SKAP2: variants seen among roughly 807,000 people sequenced by gnomAD.
The protein encoded by SKAP2 is src kinase-associated phosphoprotein 2.
SKAP2 carries 28 observed loss-of-function variants against 54.9 expected under a neutral mutation model. The ratio of observed to expected loss-of-function variants is 0.51; its 90% confidence interval spans 0.38 to 0.70. The LOEUF (loss-of-function observed/expected upper bound fraction) is 0.70, where lower values mean the gene tolerates loss of function less well. Among genes scored for constraint, SKAP2 ranks in the 30% least tolerant of loss-of-function variants. The probability of loss-of-function intolerance (pLI) is 0.00; values close to 1 mark genes in which losing one functional copy is unlikely to be tolerated. For missense variants in SKAP2, 356 were observed against 424.1 expected, an observed-to-expected ratio of 0.84 and a Z score of 1.41; for synonymous variants, 137 against 134.3, an observed-to-expected ratio of 1.02 and a Z score of -0.14.
At chr7:26,709,034 TAGAA>T (rs1414026708) in intron 9 of SKAP2, among the ~76,000 whole-genome samples, 4 of 152,204 alleles carry the variant, frequency 2.6e-5, no homozygotes, top group African/African-American at 9.6e-5. Flanking sequence ...GCTGAGCTCT[TAGAA>T]AGTATAAAAT....
the SKAP2 span, among the ~76,000 whole-genome samples, chr7:26,655,983 A>G: frequency 6.6e-6 from 1 of 152,182 alleles, no homozygotes; most frequent in South Asian, 2.1e-4. Context: ...AAGATCTTTT[A>G]GTAGATGGCA....
chr7:26,843,569 A>AT (rs1229017161), intron 4 of SKAP2, among the ~76,000 whole-genome samples: 1 of 152,054 alleles, frequency 6.6e-6, no homozygotes, highest in Non-Finnish European at 1.5e-5. Context: ...GAAGCATTTG[A>AT]TAAAAACCTG....
chr7:26,739,236 C>A, intron 5 of SKAP2, among the ~76,000 whole-genome samples: 1 of 152,130 alleles, frequency 6.6e-6, no homozygotes, highest in East Asian at 1.9e-4. Context: ...TCTGTTATCT[C>A]TTTCAGTTTT....
intron 2 of SKAP2, 61 bp from the exon 3 acceptor site, chr7:26,854,223 TAAC>T (rs1279545442): frequency 1.9e-6 from 2 of 1,065,582 alleles, no homozygotes; most frequent in Non-Finnish European, 1.4e-6. Context: ...GTCTAATCAG[TAAC>T]AATAATTAAA....
chr7:26,763,772 C>T (rs977909591), intron 4 of SKAP2, among the ~76,000 whole-genome samples: 1 of 151,626 alleles, frequency 6.6e-6, no homozygotes, highest in Non-Finnish European at 1.5e-5. Flanking sequence ...GATGGTACAG[C>T]CTACTACACA....
chr7:26,705,159 G>A lies in SKAP2; in HGVS notation c.797-14797C>T, dbSNP rs569337102. Among the ~76,000 whole-genome samples the A allele has an allele frequency of 1.1e-3, 160 of 152,236 alleles. 3 individuals are homozygous for A. The South Asian group carries it at 0.032, about 30-fold the overall frequency. ...CCTCTAGCCTATTTTCCAGTATGAC[G>A]AAACTTTCTTGTTTTCTCATCCCCA... On this transcript the variant is annotated intron_variant, in intron 9 of 12. Transcript: ENST00000345317.
chr7:26,805,739 C>T (rs1784012445), intron 4 of SKAP2, among the ~76,000 whole-genome samples: 1 of 152,124 alleles, frequency 6.6e-6, no homozygotes, highest in Non-Finnish European at 1.5e-5. Context: ...TAGTTCTAAG[C>T]CAGAGACTGC....
intron 4 of SKAP2, among the ~76,000 whole-genome samples, chr7:26,759,812 A>C (rs1425914421): frequency 6.6e-6 from 1 of 152,152 alleles, no homozygotes; most frequent in Non-Finnish European, 1.5e-5. Flanking sequence ...AGGTAAATAC[A>C]AGTTTTCTGG....
chr7:26,686,767 T>C (rs1394156457), intron 10 of SKAP2, among the ~76,000 whole-genome samples: 1 of 152,114 alleles, frequency 6.6e-6, no homozygotes, highest in Admixed American at 6.5e-5. Context: ...GTCAGGGAAT[T>C]AGAGCAAAGA....
intron 4 of SKAP2, among the ~76,000 whole-genome samples, chr7:26,742,680 C>T (rs936622864): frequency 1.4e-4 from 21 of 151,950 alleles, no homozygotes; most frequent in African/African-American, 3.1e-4. Context: ...ACCTTTATTG[C>T]TGTTTGTCCA....
intron 4 of SKAP2, among the ~76,000 whole-genome samples, chr7:26,798,796 T>C (rs1231704648): frequency 6.6e-6 from 1 of 152,314 alleles, no homozygotes; most frequent in East Asian, 1.9e-4. Context: ...GTTTAACAGT[T>C]TGCTTTTTGC....
At chr7:26,722,204 AAAG>A (rs1191940060) in intron 9 of SKAP2, among the ~76,000 whole-genome samples, 1 of 152,206 alleles carries the variant, frequency 6.6e-6, no homozygotes, top group African/African-American at 2.4e-5. Flanking sequence ...CCTTAAACAC[AAAG>A]AAGTCTTACA....
chr7:26,718,013 TTA>T (rs771983592), intron 9 of SKAP2, among the ~76,000 whole-genome samples: 2 of 151,690 alleles, frequency 1.3e-5, no homozygotes, highest in Non-Finnish European at 2.9e-5. Flanking sequence ...GATGAGGATA[TTA>T]TATATATATA....
chr7:26,744,005 T>C (rs1782509756), intron 4 of SKAP2, among the ~76,000 whole-genome samples: 1 of 152,172 alleles, frequency 6.6e-6, no homozygotes, highest in African/African-American at 2.4e-5. Context: ...GTGTATATTG[T>C]AGACATAGTA....
Position 26,725,474 on chromosome 7 carries a change from T to TA in SKAP2, c.749dup (p.Thr251AsnfsTer8), listed in dbSNP as rs1562588337. The TA allele has an allele frequency of 6.2e-7, 1 of 1,612,374 alleles. No individual in the cohort carries two copies. On this transcript the variant is annotated frameshift_variant, in exon 9 of 13. Transcript: ENST00000345317. LOFTEE classifies it high-confidence loss of function. Reference sequence around the variant, plus strand: ...CATCATCTATTGGTTGACTGCTTGTTAGTGGATTGCTTATTGGTAGAGGAT... The same window carrying TA: ...CATCATCTATTGGTTGACTGCTTGTTAAGTGGATTGCTTATTGGTAGAGGAT...
At chr7:26,785,703 T>C (rs913819058) in intron 4 of SKAP2, among the ~76,000 whole-genome samples, 1 of 152,172 alleles carries the variant, frequency 6.6e-6, no homozygotes, top group Non-Finnish European at 1.5e-5. Flanking sequence ...ATTTAGAATG[T>C]TGGACTCCTA....
intron 4 of SKAP2, among the ~76,000 whole-genome samples, chr7:26,772,808 G>T (rs1444775867): frequency 1.3e-5 from 2 of 152,184 alleles, no homozygotes; most frequent in Admixed American, 6.5e-5. Flanking sequence ...TTAATTGGTG[G>T]AAGTTATAAA....
chr7:26,811,472 T>C (rs1784143137), intron 4 of SKAP2, among the ~76,000 whole-genome samples: 1 of 152,182 alleles, frequency 6.6e-6, no homozygotes, highest in Non-Finnish European at 1.5e-5. Context: ...CTTTACCTAG[T>C]AGAAAAGCAC....
intron 4 of SKAP2, among the ~76,000 whole-genome samples, chr7:26,743,365 C>T (rs1046965654): frequency 2.0e-5 from 3 of 152,084 alleles, no homozygotes; most frequent in Non-Finnish European, 4.4e-5. Flanking sequence ...GACTATGTTG[C>T]TCAGAGAAAG....
Sources: gnomAD v4.1 joint callset for allele counts (sites outside exome capture counted in the v4.1 genomes callset) on GRCh38, gnomAD v4.1.1 for gene constraint, MANE v1.5 for transcripts, NCBI Gene and HGNC (gene_info 2026-07-23, HGNC 2026-07-21) for gene names.